ACTR1A: variants seen among roughly 807,000 people sequenced by gnomAD.
ACTR1A encodes the protein actin related protein 1A, also known as alpha-centractin.
Under a neutral mutation model 50.7 loss-of-function variants are expected in ACTR1A, and 10 were observed. The ratio of observed to expected loss-of-function variants is 0.20; its 90% CI spans 0.12 to 0.33. ACTR1A has a LOEUF of 0.33. Ranked by LOEUF, ACTR1A falls within the 10% of genes least tolerant of loss-of-function variation. ACTR1A has a pLI of 1.00. For missense variants in ACTR1A, 253 were observed against 491.7 expected, an observed-to-expected ratio of 0.51 and a Z score of 4.59; for synonymous variants, 177 against 184.2, an observed-to-expected ratio of 0.96 and a Z score of 0.32.
chr10:102,500,979 G>A (rs751396086), intron 1 of ACTR1A, among the ~76,000 whole-genome samples: 1 of 151,848 alleles, frequency 6.6e-6, no homozygotes, highest in Middle Eastern at 3.2e-3. Flanking sequence ...GCTTAAGCGG[G>A]AGGATCACTT....
Position 102,482,134 on chromosome 10 carries a change from C to G in ACTR1A, c.792G>C (p.Arg264Ser). 2 of 1,613,930 alleles carry G rather than the reference C, an allele frequency of 1.2e-6. No individual in the cohort carries two copies. Among genetic ancestry groups the G allele is most frequent in the Non-Finnish European group, 1.7e-6 (2 of 1,180,022 alleles). ...CACTCTCCTCTCCAATCAAATCTGG[C>G]CTGAAGAGCAACTCAGGGGCCCGGA... ...SRFRAPELLF[R>S]PDLIGEESEG... Residue 264 changes from arginine (R) to serine (S), a missense_variant, in exon 8 of 11, where the codon AGG (arginine) becomes AGC (serine). Physicochemically the swap from Arg to Ser is moderately radical, Grantham distance 110. This residue lies in a region of ACTR1A where 116 missense variants were observed against 155.9 expected (regional missense o/e 0.74). Transcript: ENST00000369905. The surrounding 1 kb of genome is among the most constrained non-coding windows in gnomAD (Gnocchi z 5.6).
chr10:102,498,133 C>G (rs559517329), intron 1 of ACTR1A, among the ~76,000 whole-genome samples: 1 of 150,732 alleles, frequency 6.6e-6, no homozygotes, highest in South Asian at 2.1e-4. Context: ...TACAAAGAGT[C>G]TTCAATTATA....
intron 2 of ACTR1A, 63 bp downstream of exon 2, chr10:102,490,486 T>C: frequency 1.4e-6 from 2 of 1,398,278 alleles, no homozygotes; most frequent in Non-Finnish European, 1.0e-6. Context: ...CTGTCCCTTA[T>C]AGGGCTGGGC....
chr10:102,481,444 C>G (rs962199457), intron 9 of ACTR1A, among the ~76,000 whole-genome samples: 1 of 152,202 alleles, frequency 6.6e-6, no homozygotes, highest in African/African-American at 2.4e-5. Context: ...GATCCCCGCT[C>G]TCCTCAGACA....
chr10:102,491,937 T>TC (rs2135585650), intron 1 of ACTR1A, among the ~76,000 whole-genome samples: 1 of 150,486 alleles, frequency 6.6e-6, no homozygotes, highest in East Asian at 1.9e-4. Context: ...GGCTAATTTT[T>TC]TTTTTTTTTT....
Position 102,485,716 on chromosome 10 carries a change from A to G in ACTR1A, c.333T>C (p.Thr111=). 6.2e-7 allele frequency: 1 copy of G among 1,614,098 alleles called. No individual in the cohort carries two copies. Among genetic ancestry groups the G allele is most frequent in the South Asian group, 1.1e-5 (1 of 91,084 alleles). Residue 111 remains threonine (T), a synonymous_variant, in exon 5 of 11, where the codon ACT becomes ACC. Transcript: ENST00000369905. ...TTTTTCGTGGGTTTAAAGGCGCCTC[A>G]GTCAGGAGCACAGGATGCTGGTGAA... ...TFSEEHPVLL[T]EAPLNPRKNR...
At chr10:102,483,939 T>G (rs2062154735) in intron 6 of ACTR1A, 2 of 573,948 alleles carry the variant, frequency 3.5e-6, no homozygotes, top group South Asian at 4.1e-5. Flanking sequence ...ATCACCCAAC[T>G]GAAGAAATGG....
intron 1 of ACTR1A, among the ~76,000 whole-genome samples, chr10:102,491,959 C>T (rs1299289008): frequency 2.3e-5 from 3 of 131,710 alleles, no homozygotes; most frequent in East Asian, 4.4e-4. Context: ...TTAGTAGAGA[C>T]AGGGTTTCAC....
chr10:102,500,441 C>A (rs1331485446), intron 1 of ACTR1A, among the ~76,000 whole-genome samples: 1 of 152,080 alleles, frequency 6.6e-6, no homozygotes, highest in Admixed American at 6.6e-5. Flanking sequence ...AGGTGACGGG[C>A]GCCTGTAGTC....
intron 1 of ACTR1A, among the ~76,000 whole-genome samples, chr10:102,501,018 C>T (rs2062248343): frequency 6.6e-6 from 1 of 151,204 alleles, no homozygotes; most frequent in South Asian, 2.1e-4. Context: ...CTGCAGTGAG[C>T]TGTGATCGCG....
chr10:102,488,382 T>C lies in ACTR1A; in HGVS notation c.190-107A>G. 3.4e-6 allele frequency: 5 copies of C among 1,473,102 alleles called. No homozygotes were observed. Among genetic ancestry groups the C allele is most frequent in the Non-Finnish European group, 4.7e-6 (5 of 1,070,420 alleles). 91.3% of individuals were successfully genotyped at this position (1,473,102 alleles called of 1,614,324 possible). On this transcript the variant is annotated intron_variant, in intron 3 of 10. Transcript: ENST00000369905. This position sits in a 1 kb window ranked among gnomAD's most constrained non-coding sequence, Gnocchi z 4.4. ...GAATCCCTTGCAAAGAAGCCTCAGC[T>C]TCCTGAGCTTCCACCCTGCTGTCCT...
intron 1 of ACTR1A, among the ~76,000 whole-genome samples, chr10:102,500,688 C>A (rs905600705): frequency 6.6e-6 from 1 of 152,030 alleles, no homozygotes; most frequent in African/African-American, 2.4e-5. Flanking sequence ...AACCTGGAGG[C>A]GGAGGCTGCA....
intron 1 of ACTR1A, among the ~76,000 whole-genome samples, chr10:102,493,214 A>AG (rs752764978): frequency 2.5e-4 from 38 of 152,132 alleles, no homozygotes; most frequent in Admixed American, 5.2e-4. Context: ...ACTGGGAAGG[A>AG]GGGGCAATTT....
intron 1 of ACTR1A, among the ~76,000 whole-genome samples, chr10:102,494,385 C>T (rs2062209649): frequency 6.6e-6 from 1 of 152,186 alleles, no homozygotes; most frequent in African/African-American, 2.4e-5. Context: ...GTACTCCTAG[C>T]TACTTGGGAG....
chr10:102,483,390 C>T (rs2062152861), intron 6 of ACTR1A: 1 of 368,244 alleles, frequency 2.7e-6, no homozygotes, highest in African/African-American at 2.1e-5. Context: ...CAGCCCAGGC[C>T]CAGGCATCTT....
intron 1 of ACTR1A, among the ~76,000 whole-genome samples, chr10:102,499,307 AC>A (rs1051170838): frequency 1.3e-5 from 2 of 152,032 alleles, no homozygotes; most frequent in Non-Finnish European, 2.9e-5. Context: ...AAACAAAATG[AC>A]CCCCCAAATG....
In ACTR1A at chr10:102,484,154, A is replaced by G; in HGVS notation, c.657+6T>C. The G allele has an allele frequency of 6.2e-7, 1 of 1,613,942 alleles. No individual in the cohort carries two copies. The highest frequency in any genetic ancestry group is 1.1e-5 in the South Asian group (1 of 91,062). ...TCCATCCCTAGGCCCAGGGGGCAGCACTTACTTCTTTTATGGCCTTGACAA... is the reference window on the plus strand; with the variant it reads ...TCCATCCCTAGGCCCAGGGGGCAGCGCTTACTTCTTTTATGGCCTTGACAA... On this transcript the variant is annotated splice_donor_region_variant and intron_variant, in intron 6 of 10. Transcript: ENST00000369905.
At chr10:102,481,380 G>C (rs1350800310) in intron 9 of ACTR1A, among the ~76,000 whole-genome samples, 2 of 134,434 alleles carry the variant, frequency 1.5e-5, no homozygotes, top group African/African-American at 2.6e-5. Flanking sequence ...TGGGACTATT[G>C]GGGGGGGCAG....
intron 1 of ACTR1A, among the ~76,000 whole-genome samples, chr10:102,491,409 T>C (rs1170064929): frequency 6.6e-6 from 1 of 152,234 alleles, no homozygotes; most frequent in African/African-American, 2.4e-5. Flanking sequence ...ACTGTCATGC[T>C]TGAAATGGAC....
Sources: gnomAD v4.1 joint callset for allele counts (sites outside exome capture counted in the v4.1 genomes callset) on GRCh38, gnomAD v4.1.1 for gene constraint, gnomAD v4.1.1 regional missense constraint, Gnocchi (gnomAD v3.1) non-coding constraint, MANE v1.5 for transcripts, NCBI Gene and HGNC (gene_info 2026-07-23, HGNC 2026-07-21) for gene names.